Variants in GPC5 observed in about 807,000 individuals in gnomAD.
GPC5 encodes the protein glypican-5.
Under a neutral mutation model 53.9 loss-of-function variants are expected in GPC5, and 47 were observed. The observed-to-expected ratio is 0.87, with a 90% CI of 0.69 to 1.11. The LOEUF is 1.11. GPC5 is among the 50% of genes most tolerant of loss of function. The pLI is 0.00. For missense variants in GPC5, 748 were observed against 713.1 expected (o/e 1.05, Z -0.56); for synonymous variants, 286 against 263.3 (o/e 1.09, Z -0.84).
rs1281380893 is a variant in GPC5 at position 92,527,249 on chromosome 13, G to GAAAGAAAGAAAGAAAGAAAGAA, written c.1562-339032_1562-339031insAAGAAAGAAAGAAAGAAAGAAA. On this transcript the variant is annotated intron_variant, in intron 7 of 7. Transcript: ENST00000377067. ...AGAAAGAAAGAAAGAAAGAAAGAAA[G>GAAAGAAAGAAAGAAAGAAAGAA]AGAAAGAAAGAAAGAAAGAAAGAAA... Among the ~76,000 whole-genome samples, 4 of 32,718 alleles carry GAAAGAAAGAAAGAAAGAAAGAA rather than the reference G, an allele frequency of 1.2e-4. 1 individual carries two copies. Among genetic ancestry groups the GAAAGAAAGAAAGAAAGAAAGAA allele is most frequent in the East Asian group, 1.1e-3 (1 of 944 alleles). The allele number at this position is 32,718 out of a possible 152,430, so 21.5% of individuals were successfully genotyped here.
chr13:92,454,494 TC>T (rs1383001284), intron 7 of GPC5, among the ~76,000 whole-genome samples: 2 of 152,210 alleles, frequency 1.3e-5, no homozygotes, highest in African/African-American at 2.4e-5. Flanking sequence ...AATAACACAT[TC>T]CATGATAAGT....
intron 7 of GPC5, among the ~76,000 whole-genome samples, chr13:92,191,670 A>G (rs775887173): frequency 5.3e-5 from 8 of 152,190 alleles, no homozygotes; most frequent in Non-Finnish European, 8.8e-5. Context: ...ACAATGGAAT[A>G]TAATTCAGTA....
chr13:91,463,558 A>T (rs967178491), intron 2 of GPC5, among the ~76,000 whole-genome samples: 1 of 152,146 alleles, frequency 6.6e-6, no homozygotes, highest in African/African-American at 2.4e-5. Context: ...ATAAGGCTAT[A>T]CAGCTATAGT....
At chr13:92,573,344 C>T (rs1159970018) in intron 7 of GPC5, among the ~76,000 whole-genome samples, 1 of 152,078 alleles carries the variant, frequency 6.6e-6, no homozygotes, top group African/African-American at 2.4e-5. Flanking sequence ...AAGCTGTTAG[C>T]TATTATGTTA....
At chr13:92,007,546 G>A (rs1741126406) in intron 6 of GPC5, among the ~76,000 whole-genome samples, 1 of 151,990 alleles carries the variant, frequency 6.6e-6, no homozygotes, top group Non-Finnish European at 1.5e-5. Context: ...GCATCCTTAT[G>A]ATTCGTTTGT....
chr13:91,778,273 A>G (rs142207403), intron 5 of GPC5, among the ~76,000 whole-genome samples: 11 of 152,310 alleles, frequency 7.2e-5, no homozygotes, highest in Non-Finnish European at 1.0e-4. Context: ...TGTTTTTATT[A>G]TAAAAGTTTC....
chr13:91,594,231 A>G lies in GPC5; in HGVS notation c.326-98956A>G, dbSNP rs7319900. ...TTTTAAAGGAGTATGATTAGTTTCT[A>G]TGACCTCAATGTCTGGACATGTGTC... On this transcript the variant is annotated intron_variant, in intron 2 of 7. Coordinates refer to ENST00000377067, the MANE Select transcript of GPC5 (RefSeq NM_004466.6). Among the ~76,000 whole-genome samples the G allele has an allele frequency of 7.2e-3, 1,091 of 152,344 alleles. 13 individuals are homozygous for G. The highest frequency in any genetic ancestry group is 0.025 in the African/African-American group (1,040 of 41,568).
At chr13:92,808,045 T>G (rs1003793615) in intron 7 of GPC5, among the ~76,000 whole-genome samples, 1 of 152,114 alleles carries the variant, frequency 6.6e-6, no homozygotes, top group African/African-American at 2.4e-5. Flanking sequence ...ATGTGTCACT[T>G]ATTAGTTGGC....
intron 6 of GPC5, among the ~76,000 whole-genome samples, chr13:91,924,377 C>T (rs1414522328): frequency 6.6e-6 from 1 of 152,070 alleles, no homozygotes; most frequent in Non-Finnish European, 1.5e-5. Flanking sequence ...ATTTTTCATG[C>T]TTCTGCACTA....
At chr13:92,616,863 T>C (rs1884708537) in intron 7 of GPC5, among the ~76,000 whole-genome samples, 1 of 151,988 alleles carries the variant, frequency 6.6e-6, no homozygotes, top group South Asian at 2.1e-4. Flanking sequence ...ACCCAAATGA[T>C]GCTAAAGATT....
intron 6 of GPC5, among the ~76,000 whole-genome samples, chr13:91,970,567 GTTTGTA>G (rs2139090143): frequency 6.6e-6 from 1 of 152,102 alleles, no homozygotes; most frequent in African/African-American, 2.4e-5. Context: ...AAGTAACACA[GTTTGTA>G]TTTGTCAGTT....
intron 5 of GPC5, among the ~76,000 whole-genome samples, chr13:91,847,365 G>T (rs555998627): frequency 3.9e-5 from 6 of 151,974 alleles, no homozygotes; most frequent in Non-Finnish European, 8.8e-5. Context: ...TTGTGTGTGT[G>T]TGTGTGTGTA....
chr13:91,449,324 T>G (rs1008215353), intron 2 of GPC5, among the ~76,000 whole-genome samples: 2 of 152,070 alleles, frequency 1.3e-5, no homozygotes, highest in Non-Finnish European at 2.9e-5. Flanking sequence ...TACTAAAAAT[T>G]TTTTTTGGAT....
chr13:92,560,857 ATGTGTGTGTGTGTGTGTG>A (rs34114433), intron 7 of GPC5, among the ~76,000 whole-genome samples: 1 of 139,150 alleles, frequency 7.2e-6, no homozygotes, highest in African/African-American at 2.6e-5. Flanking sequence ...AGAAAATTAT[ATGTGTGTGTGTGTGTGTG>A]TGTGTGTGTG....
At chr13:92,332,921 G>A (rs1021209093) in intron 7 of GPC5, among the ~76,000 whole-genome samples, 3 of 152,120 alleles carry the variant, frequency 2.0e-5, no homozygotes, top group Non-Finnish European at 4.4e-5. Context: ...ACAGCAAAAA[G>A]TGAAATGACT....
chr13:92,084,050 C>T (rs1224555721), intron 6 of GPC5, among the ~76,000 whole-genome samples: 1 of 152,232 alleles, frequency 6.6e-6, no homozygotes, highest in East Asian at 1.9e-4. Flanking sequence ...CATGTTCTCA[C>T]TTATAAGTGG....
At chr13:92,054,538 A>G (rs2041058840) in intron 6 of GPC5, among the ~76,000 whole-genome samples, 1 of 152,184 alleles carries the variant, frequency 6.6e-6, no homozygotes, top group Non-Finnish European at 1.5e-5. Flanking sequence ...TATGAATAAA[A>G]TGAAGCTTAC....
intron 2 of GPC5, among the ~76,000 whole-genome samples, chr13:91,514,047 G>T (rs780149475): frequency 1.3e-5 from 2 of 152,144 alleles, no homozygotes; most frequent in Non-Finnish European, 2.9e-5. Context: ...CCATTCACCT[G>T]TAAAAAGCCA....
intron 6 of GPC5, among the ~76,000 whole-genome samples, chr13:92,027,041 A>G (rs1322233811): frequency 1.3e-5 from 2 of 152,184 alleles, no homozygotes; most frequent in Non-Finnish European, 2.9e-5. Flanking sequence ...CCTAAGCAAA[A>G]TTGACTAGAT....
Sources: gnomAD v4.1 joint callset for allele counts (sites outside exome capture counted in the v4.1 genomes callset) on GRCh38, gnomAD v4.1.1 for gene constraint, MANE v1.5 for transcripts, NCBI Gene and HGNC (gene_info 2026-07-23, HGNC 2026-07-21) for gene names.